Variants in CRPPA observed in about 807,000 individuals in gnomAD.
CRPPA encodes the protein CDP-L-ribitol pyrophosphorylase A.
CRPPA carries 43 observed loss-of-function variants against 52.0 expected under a neutral mutation model. The observed-to-expected ratio is 0.83, with a 90% CI of 0.65 to 1.07. CRPPA has a LOEUF of 1.07. Ranked by LOEUF, CRPPA falls within the 50% of genes least tolerant of loss-of-function variation. CRPPA has a pLI of 0.00. For missense variants in CRPPA, 629 were observed against 551.7 expected (o/e 1.14, Z -1.40); for synonymous variants, 250 against 203.5 (o/e 1.23, Z -1.94).
At chr7:16,172,902 A>G (rs1415922801) in intron 9 of CRPPA, among the ~76,000 whole-genome samples, 2 of 152,248 alleles carry the variant, frequency 1.3e-5, no homozygotes, top group Non-Finnish European at 2.9e-5. Context: ...GTCTTCTTAC[A>G]TATTAAAATC....
intron 4 of CRPPA, among the ~76,000 whole-genome samples, chr7:16,308,168 T>C (rs1246346313): frequency 2.6e-5 from 4 of 152,164 alleles, no homozygotes; most frequent in Admixed American, 6.6e-5. Context: ...ATGCTTCCTA[T>C]GCAGCCTGCA....
At chr7:16,216,027 CTA>C in intron 9 of CRPPA, 37 bp downstream of exon 9, 2 of 1,492,924 alleles carry the variant, frequency 1.3e-6, no homozygotes, top group Admixed American at 4.3e-5. Flanking sequence ...TAAAACTAGT[CTA>C]CAGAACATAC....
intron 3 of CRPPA, 63 bp downstream of exon 3, chr7:16,376,029 A>C: frequency 6.7e-7 from 1 of 1,487,742 alleles, no homozygotes; most frequent in Non-Finnish European, 9.1e-7. Flanking sequence ...AATTCTCCAA[A>C]TGTGGAGGTT....
At chr7:16,139,513 T>A (rs900806168) in intron 9 of CRPPA, among the ~76,000 whole-genome samples, 1 of 152,188 alleles carries the variant, frequency 6.6e-6, no homozygotes, top group Non-Finnish European at 1.5e-5. Flanking sequence ...CTAAATAATA[T>A]TAACACTAAA....
Position 16,134,402 on chromosome 7 carries a change from A to G in CRPPA, c.1252-42603T>C. Reference sequence around the variant, plus strand: ...AATACACTTGAATCATCCTGAAACCATCCTCCCACCGACCTCTGTCCATGG... The same window carrying G: ...AATACACTTGAATCATCCTGAAACCGTCCTCCCACCGACCTCTGTCCATGG... On this transcript the variant is annotated intron_variant, in intron 9 of 9. Transcript: ENST00000407010. 3.1e-5 allele frequency among the ~76,000 whole-genome samples: 2 copies of G among 63,834 alleles called. 1 individual carries two copies. The highest frequency in any genetic ancestry group is 2.6e-3 in the East Asian group (2 of 772). 41.9% of individuals were successfully genotyped at this position (63,834 alleles called of 152,430 possible). A position where few individuals can be genotyped will look rare whatever the true frequency, so the allele number is the denominator to read the frequency against.
intron 5 of CRPPA, among the ~76,000 whole-genome samples, chr7:16,295,260 T>C (rs1562614456): frequency 6.6e-6 from 1 of 152,108 alleles, no homozygotes; most frequent in African/African-American, 2.4e-5. Context: ...CTGAATAAGA[T>C]GTAAGTTTCT....
intron 3 of CRPPA, among the ~76,000 whole-genome samples, chr7:16,331,370 C>T (rs547042253): frequency 4.7e-4 from 71 of 152,194 alleles, no homozygotes; most frequent in African/African-American, 1.5e-3. Flanking sequence ...GAATGCTTTC[C>T]CGCCCCCACA....
rs1477529615 is a variant in CRPPA, at chr7:16,259,535, TCTA to T, written c.934-526_934-524del. Among the ~76,000 whole-genome samples, 7 of 152,120 alleles carry T rather than the reference TCTA, an allele frequency of 4.6e-5. No individual in the cohort carries two copies. The East Asian group carries it at 5.8e-4, about 13-fold the overall frequency. Reference sequence around the variant, plus strand: ...TTCCTAAAACTGTCGGGAACTTACTTCTACTACTATAAGTAGTCCGAGATTAGA... The same window carrying T: ...TTCCTAAAACTGTCGGGAACTTACTTCTACTATAAGTAGTCCGAGATTAGA... On this transcript the variant is annotated intron_variant, in intron 6 of 9. Coordinates refer to ENST00000407010, the MANE Select transcript of CRPPA (RefSeq NM_001101426.4).
chr7:16,366,945 C>T (rs34992551), intron 3 of CRPPA, among the ~76,000 whole-genome samples: 15,982 of 152,044 alleles, frequency 0.11, 1,137 homozygotes, highest in South Asian at 0.32. Context: ...TTAATAACTG[C>T]GATGTGCCAC....
intron 1 of CRPPA, among the ~76,000 whole-genome samples, chr7:16,412,389 TA>T (rs1182860961): frequency 2.0e-5 from 3 of 152,122 alleles, no homozygotes; most frequent in African/African-American, 7.2e-5. Context: ...TATAAGTAAA[TA>T]TGCATTTGTC....
At chr7:16,257,721 C>G (rs752369348) in intron 8 of CRPPA, among the ~76,000 whole-genome samples, 7 of 152,228 alleles carry the variant, frequency 4.6e-5, no homozygotes, top group South Asian at 4.1e-4. Flanking sequence ...CCCCTTCACA[C>G]AGCAAAATGC....
intron 5 of CRPPA, among the ~76,000 whole-genome samples, chr7:16,290,288 GA>G (rs1168591245): frequency 2.7e-5 from 4 of 147,986 alleles, no homozygotes; most frequent in African/African-American, 9.9e-5. Context: ...CACAGAAATA[GA>G]AAAAAAAACC....
intron 3 of CRPPA, among the ~76,000 whole-genome samples, chr7:16,324,914 C>T (rs10280242): frequency 4.3e-4 from 66 of 152,314 alleles, no homozygotes; most frequent in African/African-American, 1.5e-3. Context: ...GCCCTGTCCT[C>T]ATCCTTTTTT....
At chr7:16,274,734 G>C (rs1331156228) in intron 6 of CRPPA, among the ~76,000 whole-genome samples, 1 of 152,026 alleles carries the variant, frequency 6.6e-6, no homozygotes, top group African/African-American at 2.4e-5. Context: ...TGCTATGTCT[G>C]TCTATATTTA....
chr7:16,374,543 C>T (rs1359427597), intron 3 of CRPPA, among the ~76,000 whole-genome samples: 2 of 152,322 alleles, frequency 1.3e-5, no homozygotes, highest in East Asian at 3.9e-4. Context: ...ATGCACTGCT[C>T]AGCTCCCAAA....
chr7:16,342,790 T>TATAG (rs1467982956), intron 3 of CRPPA, among the ~76,000 whole-genome samples: 1 of 33,524 alleles, frequency 3.0e-5, no homozygotes, highest in African/African-American at 1.1e-4. Flanking sequence ...AAAATATATA[T>TATAG]ATATATATCT....
intron 9 of CRPPA, among the ~76,000 whole-genome samples, chr7:16,106,879 T>C (rs1208477530): frequency 1.3e-5 from 2 of 151,918 alleles, no homozygotes; most frequent in East Asian, 1.9e-4. Context: ...AATATACAGA[T>C]AGGAAATTTC....
chr7:16,147,977 T>G (rs1409332906), intron 9 of CRPPA, among the ~76,000 whole-genome samples: 3 of 152,174 alleles, frequency 2.0e-5, no homozygotes, highest in African/African-American at 7.2e-5. Flanking sequence ...GATGTTGAAA[T>G]ATATTCCATG....
chr7:16,116,496 C>T (rs984945535), intron 9 of CRPPA, among the ~76,000 whole-genome samples: 2 of 151,994 alleles, frequency 1.3e-5, no homozygotes, highest in African/African-American at 4.8e-5. Flanking sequence ...GAAACCCCAT[C>T]TCTACTAAAA....
Sources: gnomAD v4.1 joint callset for allele counts (sites outside exome capture counted in the v4.1 genomes callset) on GRCh38, gnomAD v4.1.1 for gene constraint, MANE v1.5 for transcripts, NCBI Gene and HGNC (gene_info 2026-07-23, HGNC 2026-07-21) for gene names.